FN3KRP: variants seen among roughly 807,000 people sequenced by gnomAD.
FN3KRP encodes the protein ketosamine-3-kinase.
Under a neutral mutation model 29.8 loss-of-function variants are expected in FN3KRP, and 33 were observed. The ratio of observed to expected loss-of-function variants is 1.11; its 90% CI spans 0.84 to 1.48. FN3KRP has a LOEUF of 1.48. FN3KRP is among the 40% of genes most tolerant of loss of function. The probability of loss-of-function intolerance (pLI) is 0.00; values close to 1 mark genes in which losing one functional copy is unlikely to be tolerated. For synonymous variants in FN3KRP, 157 were observed against 155.2 expected, an observed-to-expected ratio of 1.01 and a Z score of -0.09; for missense variants, 430 against 402.6, an observed-to-expected ratio of 1.07 and a Z score of -0.58.
intron 1 of FN3KRP, among the ~76,000 whole-genome samples, chr17:82,718,190 T>C (rs2046772933): frequency 6.6e-6 from 1 of 151,094 alleles, no homozygotes; most frequent in Non-Finnish European, 1.5e-5. Context: ...GTGTGTGTTA[T>C]GTGTCTGTGT....
chr17:82,722,682 C>G, intron 3 of FN3KRP, 122 bp from the exon 4 acceptor site: 4 of 845,886 alleles, frequency 4.7e-6, no homozygotes, highest in Non-Finnish European at 5.6e-6. Flanking sequence ...CCCTGTTTGT[C>G]TCTGGCAGGG....
chr17:82,719,348 T>C (rs1008505557), intron 2 of FN3KRP, among the ~76,000 whole-genome samples: 1 of 152,222 alleles, frequency 6.6e-6, no homozygotes, highest in Non-Finnish European at 1.5e-5. Context: ...AGGAGTGTAA[T>C]GCAAAGAACC....
Position 82,726,906 on chromosome 17 carries a change from A to G in FN3KRP, c.665A>G (p.Asn222Ser). 6.2e-7 allele frequency: 1 copy of G among 1,603,688 alleles called. No individual in the cohort carries two copies. Among genetic ancestry groups the G allele is most frequent in the Non-Finnish European group, 8.5e-7 (1 of 1,173,868 alleles). Residue 222 changes from asparagine to serine, a missense_variant, in exon 6 of 6, where the codon AAC (asparagine) becomes AGC (serine). By Grantham distance (46) the Asn-to-Ser change is conservative. Coordinates refer to ENST00000269373, the MANE Select transcript of FN3KRP (RefSeq NM_024619.4). The part of the protein sequence containing the change: ...ALLHGDLWGG[N>S]VAEDSSGPVI... ...CTCCACGGGGACCTCTGGGGTGGAA[A>G]CGTAGCAGAGGATTCCTCTGGGCCG...
intron 3 of FN3KRP, chr17:82,720,910 T>G (rs771170069): frequency 1.3e-5 from 2 of 152,894 alleles, no homozygotes; most frequent in Non-Finnish European, 2.9e-5. Context: ...GACGGAGACA[T>G]GCTGTTAGTC....
At chr17:82,722,957 AC>A (rs1425551900) in intron 4 of FN3KRP, 71 bp downstream of exon 4, 6 of 1,323,744 alleles carry the variant, frequency 4.5e-6, no homozygotes, top group South Asian at 2.6e-5. Context: ...GGGGGGACAC[AC>A]CCCCCTCCTT....
intron 3 of FN3KRP, 48 bp downstream of exon 3, chr17:82,720,411 T>C: frequency 3.3e-6 from 5 of 1,495,234 alleles, no homozygotes; most frequent in Non-Finnish European, 4.6e-6. Context: ...AGGAGGACGT[T>C]CAGCCGGTGT....
At chr17:82,722,917 A>G (rs1330145423) in intron 4 of FN3KRP, 31 bp downstream of exon 4, 1 of 1,601,810 alleles carries the variant, frequency 6.2e-7, no homozygotes. Context: ...TCTATTTCAC[A>G]ATCAGGTCAG....
rs746853114 is a variant in FN3KRP, at chr17:82,727,050, C to T, written c.809C>T (p.Ala270Val). The T allele has an allele frequency of 1.2e-6, 2 of 1,614,128 alleles. No homozygotes were observed. Among genetic ancestry groups the T allele is most frequent in the Non-Finnish European group, 8.5e-7 (1 of 1,180,044 alleles). ...GCCTACCACGGCAAAATCCCCAAGG[C>T]CCCAGGATTCGAGAAGCGCCTTCAG... The part of the protein sequence containing the change: ...YSAYHGKIPK[A>V]PGFEKRLQLY... The change falls in exon 6 of 6, where the codon GCC (alanine) becomes GTC (valine). Residue 270 changes from alanine to valine, a missense_variant. Ala to Val is a moderately conservative substitution (Grantham distance 64). Transcript: ENST00000269373.
At chr17:82,717,268 C>G (rs1268147988) in intron 1 of FN3KRP, among the ~76,000 whole-genome samples, 1 of 152,188 alleles carries the variant, frequency 6.6e-6, no homozygotes. Flanking sequence ...TGGGGTCGTT[C>G]TAGCCGGGGA....
In FN3KRP at chr17:82,726,639, C is replaced by G. The variant is rs769277674; in HGVS notation, c.591+37C>G. 2.4e-5 allele frequency: 38 copies of G among 1,590,372 alleles called. No individual in the cohort carries two copies. In the South Asian group the frequency reaches 3.9e-4, roughly 16 times the overall value. On this transcript the variant is annotated intron_variant, in intron 5 of 5. Coordinates refer to ENST00000269373, the MANE Select transcript of FN3KRP (RefSeq NM_024619.4). ...CCCACTGCATGCCCAGCACCTGCCA[C>G]ACACCCCACTTGCCTGAGGTAGGGG...
chr17:82,717,044 C>G, intron 1 of FN3KRP, 148 bp downstream of exon 1: 1 of 1,044,882 alleles, frequency 9.6e-7, no homozygotes, highest in South Asian at 1.9e-5. Context: ...GCGGGGAACC[C>G]TTTGCGCGGG....
At chr17:82,717,647 A>G (rs534261265) in intron 1 of FN3KRP, among the ~76,000 whole-genome samples, 2 of 152,272 alleles carry the variant, frequency 1.3e-5, no homozygotes, top group South Asian at 4.1e-4. Context: ...TGAACCCAGG[A>G]GGCAGAGGTT....
chr17:82,724,618 A>C (rs2046824141), intron 4 of FN3KRP, among the ~76,000 whole-genome samples: 1 of 151,972 alleles, frequency 6.6e-6, no homozygotes, highest in African/African-American at 2.4e-5. Flanking sequence ...AAAGAAAAAA[A>C]AAAAGTAAAA....
chr17:82,722,694 C>T (rs1378573473), intron 3 of FN3KRP, 110 bp from the exon 4 acceptor site: 2 of 976,122 alleles, frequency 2.0e-6, no homozygotes, highest in Non-Finnish European at 3.2e-6. Context: ...CTGGCAGGGG[C>T]ATAAGCTGGT....
At chr17:82,721,436 G>T (rs911341712) in intron 3 of FN3KRP, among the ~76,000 whole-genome samples, 1 of 152,006 alleles carries the variant, frequency 6.6e-6, no homozygotes, top group Non-Finnish European at 1.5e-5. Flanking sequence ...ATGGCACCAG[G>T]TTTGCCACTG....
Position 82,727,333 on chromosome 17 carries a change from C to T in FN3KRP, c.*162C>T. ...TCTAAGAGGAAAGGTTTTGTCATCC[C>T]AGCGTTGTCCACTTTGTGGGGCTTT... is the stretch of plus-strand genomic sequence containing the variant. On this transcript the variant is annotated 3_prime_UTR_variant, in exon 6 of 6. Coordinates refer to ENST00000269373, the MANE Select transcript of FN3KRP (RefSeq NM_024619.4). 1 of 658,580 alleles carries T rather than the reference C, an allele frequency of 1.5e-6. No homozygotes were observed. The highest frequency in any genetic ancestry group is 4.2e-4 in the Middle Eastern group (1 of 2,394). The allele number at this position is 658,580 out of a possible 1,614,324, so 40.8% of individuals were successfully genotyped here. A position where few individuals can be genotyped will look rare whatever the true frequency, so the allele number is the denominator to read the frequency against.
chr17:82,724,838 T>G (rs1017319547), intron 4 of FN3KRP, among the ~76,000 whole-genome samples: 1 of 152,006 alleles, frequency 6.6e-6, no homozygotes, highest in Non-Finnish European at 1.5e-5. Context: ...AGATGGAGTC[T>G]CGCTCTGTCA....
chr17:82,718,357 C>T (rs1246873814), intron 1 of FN3KRP: 20 of 968,480 alleles, frequency 2.1e-5, no homozygotes, highest in Non-Finnish European at 2.3e-5. Flanking sequence ...GCTGTGGTCC[C>T]GGGGAGTTGG....
At chr17:82,723,622 T>C (rs758737155) in intron 4 of FN3KRP, among the ~76,000 whole-genome samples, 20 of 151,930 alleles carry the variant, frequency 1.3e-4, no homozygotes, top group Non-Finnish European at 2.2e-4. Context: ...TGTGTGCATA[T>C]GTGTATGTGT....
Sources: gnomAD v4.1 joint callset for allele counts (sites outside exome capture counted in the v4.1 genomes callset) on GRCh38, gnomAD v4.1.1 for gene constraint, MANE v1.5 for transcripts, NCBI Gene and HGNC (gene_info 2026-07-23, HGNC 2026-07-21) for gene names.